The following HMCN2 variants were observed in gnomAD, a reference collection of about 807,000 sequenced individuals.
HMCN2 encodes the protein hemicentin-2.
HMCN2 carries 325 observed loss-of-function variants against 377.5 expected under a neutral mutation model. That is an observed-to-expected ratio of 0.86 (90% CI 0.79 to 0.94). HMCN2 has a LOEUF of 0.94. HMCN2 is among the 40% of genes least tolerant of loss of function. The pLI is 0.00. For missense variants in HMCN2, 4,543 were observed against 4,725.3 expected (o/e 0.96, Z 1.13); for synonymous variants, 2,007 against 2,046.8 (o/e 0.98, Z 0.53).
chr9:130,275,898 G>A (rs1449440584), intron 1 of HMCN2, among the ~76,000 whole-genome samples: 1 of 151,996 alleles, frequency 6.6e-6, no homozygotes, highest in African/African-American at 2.4e-5. Context: ...CGTGAGGTGT[G>A]AGCTGGACTA....
rs1296481410 is a variant in HMCN2 at position 130,372,326 on chromosome 9, G to A, written c.7270G>A (p.Glu2424Lys). ...GATGCTGAAGATGACTCAGACACAG[G>A]AGCAAGACAGTGGCCTCTACTCATG... ...GWMLKMTQTQ[E>K]QDSGLYSCLA... Residue 2424 changes from glutamate to lysine, a missense_variant, in exon 47 of 98, where the codon GAG becomes AAG. Coordinates refer to ENST00000683500, the MANE Select transcript of HMCN2 (RefSeq NM_001291815.2). 2 of 986,040 alleles carry A rather than the reference G, an allele frequency of 2.0e-6. No homozygotes were observed. The highest frequency in any genetic ancestry group is 2.4e-6 in the Non-Finnish European group (2 of 830,076). 61.1% of individuals were successfully genotyped at this position (986,040 alleles called of 1,614,324 possible). A position where few individuals can be genotyped will look rare whatever the true frequency, so the allele number is the denominator to read the frequency against.
At chr9:130,348,482 G>A in intron 26 of HMCN2, 63 bp from the exon 27 acceptor site, 1 of 1,282,358 alleles carries the variant, frequency 7.8e-7, no homozygotes, top group Non-Finnish European at 1.0e-6. Flanking sequence ...CCCAGATGAG[G>A]TCCCTTCGGC....
At position 130,430,386 on chromosome 9, in the gene HMCN2, G is replaced by A. The variant is rs768533075; in HGVS notation, c.14429G>A (p.Arg4810His). ...TGCCCCCCAGGCCAGACCCTCCTTC[G>A]CGACGGCAAGGCCTGCACCTCACTG... ...CLCPPGQTLLRDGKACTSLER... is the reference protein window; with the variant it reads ...CLCPPGQTLLHDGKACTSLER... Residue 4810 changes from arginine to histidine, a missense_variant, in exon 95 of 98, where the codon CGC (arginine) becomes CAC (histidine). Coordinates refer to ENST00000683500, the MANE Select transcript of HMCN2 (RefSeq NM_001291815.2). 1.7e-5 allele frequency: 26 copies of A among 1,550,138 alleles called. No homozygotes were observed. Among genetic ancestry groups the A allele is most frequent in the East Asian group, 7.3e-5 (3 of 40,914 alleles).
At chr9:130,348,160 A>G (rs1350642346) in intron 26 of HMCN2, 3 of 537,906 alleles carry the variant, frequency 5.6e-6, no homozygotes, top group African/African-American at 2.1e-5. Flanking sequence ...CTAGCCCTGT[A>G]ATGACTTGCT....
chr9:130,282,985 C>G (rs1554926270), intron 1 of HMCN2, among the ~76,000 whole-genome samples: 2 of 152,108 alleles, frequency 1.3e-5, no homozygotes, highest in Admixed American at 1.3e-4. Context: ...GCAAGAGAAT[C>G]GCTTGAACCT....
rs1250590602 is a variant in HMCN2, at chr9:130,386,446, T to C, written c.9313T>C (p.Ser3105Pro). The part of the protein sequence containing the change: ...QRLEIQEAQV[S>P]DKGLYSCKVS... ...CTGTGTGCTCTTCCTCTTTCAGGTA[T>C]CGGATAAAGGTTTATACAGCTGTAA... The change falls in exon 61 of 98, where the codon TCG becomes CCG. Residue 3105 changes from serine (S) to proline (P), a missense_variant. Around this residue, in one of 5 missense-constraint regions of HMCN2, gnomAD observed 736 missense variants for 773.2 expected, o/e 0.95. Coordinates refer to ENST00000683500, the MANE Select transcript of HMCN2 (RefSeq NM_001291815.2). 7.7e-7 allele frequency: 1 copy of C among 1,303,144 alleles called. No homozygotes were observed. The highest frequency in any genetic ancestry group is 1.0e-6 in the Non-Finnish European group (1 of 988,504). 80.7% of individuals were successfully genotyped at this position (1,303,144 alleles called of 1,614,324 possible). A position where few individuals can be genotyped will look rare whatever the true frequency, so the allele number is the denominator to read the frequency against.
rs553679524 is a variant in HMCN2, at chr9:130,433,582, C to G, written c.15129C>G (p.Thr5043=). The G allele has an allele frequency of 4.0e-6, 6 of 1,508,154 alleles. No homozygotes were observed. The highest frequency in any genetic ancestry group is 4.4e-5 in the Admixed American group (2 of 44,956). The allele number at this position is 1,508,154 out of a possible 1,614,324, so 93.4% of individuals were successfully genotyped here. The change falls in exon 98 of 98, where the codon ACC becomes ACG. Residue 5043 remains threonine, a synonymous_variant. Coordinates refer to ENST00000683500, the MANE Select transcript of HMCN2 (RefSeq NM_001291815.2). ...PLRAGLGAVY[T]RRALTRAGLY... ...GCGCGGGCCTTGGCGCGGTCTACAC[C>G]CGTCGCGCGCTCACCCGCGCCGGCC...
intron 97 of HMCN2, chr9:130,433,113 G>A (rs1484325568): frequency 6.3e-6 from 3 of 473,624 alleles, no homozygotes; most frequent in African/African-American, 4.1e-5. Flanking sequence ...CCGAAAGTCC[G>A]CTGGAGGGAC....
At chr9:130,417,886 G>A (rs1199546305) in intron 85 of HMCN2, among the ~76,000 whole-genome samples, 1 of 152,204 alleles carries the variant, frequency 6.6e-6, no homozygotes, top group Non-Finnish European at 1.5e-5. Flanking sequence ...CAGTGTGTGC[G>A]AGTTCTGCTT....
At chr9:130,336,119 G>A (rs1294278914) in intron 22 of HMCN2, among the ~76,000 whole-genome samples, 1 of 152,024 alleles carries the variant, frequency 6.6e-6, no homozygotes, top group African/African-American at 2.4e-5. Context: ...GAGAGAGAAA[G>A]GAAGGAAAGA....
chr9:130,433,452 T>TG lies in HMCN2; in HGVS notation c.15001dup (p.Ala5001GlyfsTer217), dbSNP rs1389760091. The TG allele has an allele frequency of 5.3e-6, 8 of 1,498,778 alleles. No individual in the cohort carries two copies. Among genetic ancestry groups the TG allele is most frequent in the Non-Finnish European group, 7.1e-6 (8 of 1,132,050 alleles). 92.8% of individuals were successfully genotyped at this position (1,498,778 alleles called of 1,614,324 possible). Reference sequence around the variant, plus strand: ...CTGGGCGTGCGCGCCCACCACGACGTGGCCCGCCTCACCGCCTTCTCCGAG... The same window carrying TG: ...CTGGGCGTGCGCGCCCACCACGACGTGGGCCCGCCTCACCGCCTTCTCCGAG... On this transcript the variant is annotated frameshift_variant, in exon 98 of 98. Coordinates refer to ENST00000683500, the MANE Select transcript of HMCN2 (RefSeq NM_001291815.2). LOFTEE classifies it high-confidence loss of function.
chr9:130,334,758 CTTCT>C (rs1838640520), intron 22 of HMCN2, among the ~76,000 whole-genome samples: 1 of 87,328 alleles, frequency 1.1e-5, no homozygotes, highest in South Asian at 4.3e-4. Context: ...CTCTCTCTCT[CTTCT>C]CTCTCTCTCT....
chr9:130,355,158 C>A, intron 32 of HMCN2, 114 bp downstream of exon 32: 1 of 854,344 alleles, frequency 1.2e-6, no homozygotes, highest in Non-Finnish European at 1.6e-6. Context: ...GGAGAAGTAA[C>A]CAGTGTCCCC....
At chr9:130,325,096 C>CTTT (rs878863979) in intron 19 of HMCN2, among the ~76,000 whole-genome samples, 48,885 of 127,796 alleles carry the variant, frequency 0.38, 10,748 homozygotes, top group South Asian at 0.57. Flanking sequence ...TCTTCTTCTT[C>CTTT]TTTTTTTTTT....
Position 130,369,638 on chromosome 9 carries a change from A to G in HMCN2, c.6856A>G (p.Thr2286Ala), listed in dbSNP as rs866584819. Reference protein sequence around the residue: ...QVSVVQDGVATLECNATGKPP... With the variant: ...QVSVVQDGVAALECNATGKPP... ...CTCTGTGGTCCAGGATGGAGTGGCC[A>G]CTCTGGAGTGCAACGCCACAGGGAA... The change falls in exon 45 of 98, where the codon ACT becomes GCT. Residue 2286 changes from threonine (T) to alanine (A), a missense_variant. Thr to Ala is a moderately conservative substitution (Grantham distance 58, BLOSUM62 0). This residue lies in a region of HMCN2 where 1,032 missense variants were observed against 1,285.1 expected (regional missense o/e 0.80). Transcript: ENST00000683500. This position sits in a 1 kb window ranked among gnomAD's most constrained non-coding sequence, Gnocchi z 4.5. 13 of 985,374 alleles carry G rather than the reference A, an allele frequency of 1.3e-5. No individual in the cohort carries two copies. Among genetic ancestry groups the G allele is most frequent in the Middle Eastern group, 5.2e-4 (1 of 1,936 alleles). 61.0% of individuals were successfully genotyped at this position (985,374 alleles called of 1,614,324 possible). A position where few individuals can be genotyped will look rare whatever the true frequency, so the allele number is the denominator to read the frequency against.
intron 39 of HMCN2, among the ~76,000 whole-genome samples, chr9:130,362,643 C>T (rs952407649): frequency 2.0e-4 from 30 of 152,252 alleles, no homozygotes; most frequent in Non-Finnish European, 4.4e-5. Context: ...GACAGAGGGG[C>T]TCTAGAGGAC....
chr9:130,296,532 G>A (rs1254465224), intron 6 of HMCN2, 142 bp from the exon 7 acceptor site: 2 of 373,948 alleles, frequency 5.3e-6, no homozygotes, highest in Non-Finnish European at 1.1e-5. Context: ...CCCCTTGGGA[G>A]GAGGTAAGTT....
chr9:130,339,038 ATT>A (rs1838910837), intron 23 of HMCN2, among the ~76,000 whole-genome samples: 9 of 76,648 alleles, frequency 1.2e-4, no homozygotes, highest in African/African-American at 6.7e-4. Flanking sequence ...AAAATAAAAA[ATT>A]AACCACTTGC....
intron 4 of HMCN2, among the ~76,000 whole-genome samples, chr9:130,293,044 T>C (rs1370665177): frequency 6.6e-6 from 1 of 152,130 alleles, no homozygotes; most frequent in East Asian, 1.9e-4. Flanking sequence ...TTATCATCTA[T>C]CTCTATCTGG....
Sources: gnomAD v4.1 joint callset for allele counts (sites outside exome capture counted in the v4.1 genomes callset) on GRCh38, gnomAD v4.1.1 for gene constraint, gnomAD v4.1.1 regional missense constraint, Gnocchi (gnomAD v3.1) non-coding constraint, MANE v1.5 for transcripts, NCBI Gene and HGNC (gene_info 2026-07-23, HGNC 2026-07-21) for gene names.